The following MINDY2 variants were observed in gnomAD, a reference collection of about 807,000 sequenced individuals.
MINDY2 encodes the protein ubiquitin carboxyl-terminal hydrolase MINDY-2.
MINDY2 carries 52 observed loss-of-function variants against 68.2 expected under a neutral mutation model. That is an observed-to-expected ratio of 0.76 (90% CI 0.61 to 0.96). The LOEUF (loss-of-function observed/expected upper bound fraction) is 0.96. Among genes scored for constraint, MINDY2 ranks in the 40% least tolerant of loss-of-function variants. The pLI, the probability that MINDY2 is intolerant of heterozygous loss-of-function variation, is 0.00. For missense variants in MINDY2, 881 were observed against 773.4 expected (o/e 1.14, Z -1.65); for synonymous variants, 372 against 303.0 (o/e 1.23, Z -2.36).
intron 3 of MINDY2, among the ~76,000 whole-genome samples, chr15:58,807,091 A>C (rs1342451405): frequency 6.6e-6 from 1 of 152,164 alleles, no homozygotes; most frequent in African/African-American, 2.4e-5. Flanking sequence ...GTCTTTTTCA[A>C]ATTTCAAAGA....
At chr15:58,814,897 C>T (rs1481158924) in intron 4 of MINDY2, among the ~76,000 whole-genome samples, 3 of 151,494 alleles carry the variant, frequency 2.0e-5, no homozygotes, top group Non-Finnish European at 4.4e-5. Context: ...CCCACCTCAG[C>T]CTCTCAGAGT....
At chr15:58,824,664 A>G (rs2031274352) in intron 5 of MINDY2, among the ~76,000 whole-genome samples, 2 of 149,854 alleles carry the variant, frequency 1.3e-5, no homozygotes, top group Admixed American at 1.3e-4. Context: ...TTTCTTCATC[A>G]TATTATCTTT....
At chr15:58,843,631 C>T (rs994142130) in intron 6 of MINDY2, among the ~76,000 whole-genome samples, 3 of 151,874 alleles carry the variant, frequency 2.0e-5, no homozygotes, top group Non-Finnish European at 2.9e-5. Flanking sequence ...CAGTGGAGTT[C>T]GAGACCAGCC....
Position 58,856,581 on chromosome 15 carries a change from T to C in MINDY2, c.*1971T>C, listed in dbSNP as rs1176392097. 6.6e-6 allele frequency: 1 copy of C among 152,232 alleles called. No individual in the cohort carries two copies. Among genetic ancestry groups the C allele is most frequent in the Non-Finnish European group, 1.5e-5 (1 of 68,046 alleles). 9.4% of individuals were successfully genotyped at this position (152,232 alleles called of 1,614,324 possible). On this transcript the variant is annotated 3_prime_UTR_variant, in exon 9 of 9. Coordinates refer to ENST00000559228, the MANE Select transcript of MINDY2 (RefSeq NM_001040450.3). Reference sequence around the variant, plus strand: ...GATAGAAAATATTTAATGAGTATCTTGATTATAACCTAGAATATGTATACG... The same window carrying C: ...GATAGAAAATATTTAATGAGTATCTCGATTATAACCTAGAATATGTATACG...
chr15:58,829,499 C>G, intron 5 of MINDY2, among the ~76,000 whole-genome samples: 1 of 152,132 alleles, frequency 6.6e-6, no homozygotes, highest in East Asian at 1.9e-4. Flanking sequence ...TGAGAAAGAC[C>G]TTTCTAATGT....
chr15:58,797,314 C>T (rs1191446842), intron 2 of MINDY2, among the ~76,000 whole-genome samples: 1 of 152,074 alleles, frequency 6.6e-6, no homozygotes, highest in Non-Finnish European at 1.5e-5. Context: ...CAAGACCAGG[C>T]TGGGCAACAT....
chr15:58,811,874 C>G (rs531989591), intron 4 of MINDY2, among the ~76,000 whole-genome samples: 1 of 152,300 alleles, frequency 6.6e-6, no homozygotes, highest in South Asian at 2.1e-4. Context: ...AGGTTAGAGT[C>G]TTCTCTTTTC....
intron 2 of MINDY2, among the ~76,000 whole-genome samples, chr15:58,791,856 A>G (rs1161821134): frequency 2.0e-5 from 3 of 152,038 alleles, no homozygotes; most frequent in African/African-American, 7.3e-5. Context: ...AATGTAGTAG[A>G]TAAAAGAAAA....
intron 6 of MINDY2, among the ~76,000 whole-genome samples, chr15:58,837,090 G>A (rs1432271379): frequency 6.6e-6 from 1 of 152,122 alleles, no homozygotes; most frequent in Non-Finnish European, 1.5e-5. Flanking sequence ...TAGGGAAGGG[G>A]TTCTTCCAGC....
chr15:58,790,233 T>A (rs1287046977), intron 2 of MINDY2, among the ~76,000 whole-genome samples: 1 of 152,228 alleles, frequency 6.6e-6, no homozygotes, highest in African/African-American at 2.4e-5. Context: ...AGTGATTCTT[T>A]TTATTTTTAT....
chr15:58,773,869 T>C (rs1213892926), intron 1 of MINDY2, among the ~76,000 whole-genome samples: 2 of 151,860 alleles, frequency 1.3e-5, no homozygotes. Flanking sequence ...ATGACAGAAG[T>C]GGTAAGCTAA....
chr15:58,825,337 T>A (rs1424507919), intron 5 of MINDY2, among the ~76,000 whole-genome samples: 1 of 152,204 alleles, frequency 6.6e-6, no homozygotes, highest in Non-Finnish European at 1.5e-5. Context: ...TTACTTTACG[T>A]AGAATACTTA....
At chr15:58,821,481 T>A (rs1222592567) in intron 4 of MINDY2, among the ~76,000 whole-genome samples, 1 of 152,184 alleles carries the variant, frequency 6.6e-6, no homozygotes, top group African/African-American at 2.4e-5. Flanking sequence ...TCCCATTTAA[T>A]CTTATTTTGC....
At chr15:58,803,154 G>T (rs1403654289) in intron 3 of MINDY2, among the ~76,000 whole-genome samples, 1 of 152,130 alleles carries the variant, frequency 6.6e-6, no homozygotes, top group Non-Finnish European at 1.5e-5. Flanking sequence ...AGATAATCTA[G>T]TCTTAATAAA....
At chr15:58,820,907 A>G (rs981588025) in intron 4 of MINDY2, among the ~76,000 whole-genome samples, 1 of 151,502 alleles carries the variant, frequency 6.6e-6, no homozygotes, top group African/African-American at 2.4e-5. Context: ...TATTAGATAT[A>G]TAACTTACTT....
chr15:58,792,345 C>T (rs1358217367), intron 2 of MINDY2, among the ~76,000 whole-genome samples: 3 of 152,198 alleles, frequency 2.0e-5, no homozygotes, highest in Non-Finnish European at 1.5e-5. Flanking sequence ...CGGTGGCTTA[C>T]GCCTGTAATC....
At chr15:58,781,975 T>A (rs1043853558) in intron 1 of MINDY2, among the ~76,000 whole-genome samples, 1 of 152,108 alleles carries the variant, frequency 6.6e-6, no homozygotes, top group East Asian at 1.9e-4. Flanking sequence ...AAGTCTGAAT[T>A]TGAGTATTTT....
intron 3 of MINDY2, among the ~76,000 whole-genome samples, chr15:58,805,918 AC>A (rs1902974550): frequency 6.6e-6 from 1 of 152,150 alleles, no homozygotes; most frequent in African/African-American, 2.4e-5. Context: ...TACTAAAAAT[AC>A]AAAAAATTAG....
intron 8 of MINDY2, among the ~76,000 whole-genome samples, chr15:58,853,033 A>C (rs1391084859): frequency 7.7e-6 from 1 of 129,996 alleles, no homozygotes; most frequent in African/African-American, 2.9e-5. Flanking sequence ...CTCATTGCCA[A>C]CCTCTGCTTC....
Sources: gnomAD v4.1 joint callset for allele counts (sites outside exome capture counted in the v4.1 genomes callset) on GRCh38, gnomAD v4.1.1 for gene constraint, MANE v1.5 for transcripts, NCBI Gene and HGNC (gene_info 2026-07-23, HGNC 2026-07-21) for gene names.